DENND4C: variants seen among roughly 807,000 people sequenced by gnomAD.
The protein encoded by DENND4C is DENN domain-containing protein 4C.
In DENND4C, 108 loss-of-function variants were observed where a neutral mutation model predicts 203.0. The ratio of observed to expected loss-of-function variants is 0.53; its 90% confidence interval spans 0.46 to 0.62. The LOEUF is 0.62. Among genes scored for constraint, DENND4C ranks in the 20% least tolerant of loss-of-function variants. The pLI is 0.00. For missense variants in DENND4C, 2,481 were observed against 2,301.2 expected (o/e 1.08, Z -1.60); for synonymous variants, 871 against 792.4 (o/e 1.10, Z -1.67).
At chr9:19,235,609 C>CTTTTTTTTTTTTTTTTT (rs58031665) in intron 1 of DENND4C, among the ~76,000 whole-genome samples, 6 of 118,938 alleles carry the variant, frequency 5.0e-5, no homozygotes, top group Non-Finnish European at 6.8e-5. Flanking sequence ...GAAGAGTCAT[C>CTTTTTTTTTTTTTTTTT]TTTTTTTTTT....
intron 1 of DENND4C, among the ~76,000 whole-genome samples, chr9:19,268,909 G>A (rs1831062019): frequency 6.6e-6 from 1 of 152,048 alleles, no homozygotes; most frequent in Non-Finnish European, 1.5e-5. Context: ...ATGTCTGGAG[G>A]TAGTTTTGAG....
In DENND4C at chr9:19,300,180, T is replaced by C. The variant is rs79920565; in HGVS notation, c.1167-7T>C. On this transcript the variant is annotated splice_region_variant and splice_polypyrimidine_tract_variant and intron_variant, in intron 8 of 32. Transcript: ENST00000434457. ...CAATGATCTACTTTTCTCTTTTTTT[T>C]CCCTAGTGGAGCCAACTTTAGCACC... The C allele has an allele frequency of 4.9e-5, 77 of 1,584,904 alleles. No individual in the cohort carries two copies. The highest frequency in any genetic ancestry group is 1.5e-4 in the African/African-American group (11 of 74,362).
intron 31 of DENND4C, among the ~76,000 whole-genome samples, chr9:19,370,366 A>T (rs1305791759): frequency 6.6e-6 from 1 of 151,822 alleles, no homozygotes; most frequent in East Asian, 1.9e-4. Flanking sequence ...AGACAGGAGG[A>T]TTTCTTGAGC....
chr9:19,288,504 G>T, intron 3 of DENND4C, 92 bp from the exon 4 acceptor site: 1 of 726,666 alleles, frequency 1.4e-6, no homozygotes, highest in South Asian at 7.1e-5. Flanking sequence ...AGACTCTTCT[G>T]AGTAAATAAA....
chr9:19,263,935 C>T (rs1286420856), intron 1 of DENND4C, among the ~76,000 whole-genome samples: 2 of 152,130 alleles, frequency 1.3e-5, no homozygotes, highest in Admixed American at 6.6e-5. Context: ...GCTGGAATTA[C>T]AGGTGTGAGC....
chr9:19,315,634 T>G (rs1014812649), intron 10 of DENND4C, among the ~76,000 whole-genome samples: 1 of 151,340 alleles, frequency 6.6e-6, no homozygotes, highest in African/African-American at 2.4e-5. Context: ...TTTTATATTT[T>G]CGGAATATAA....
intron 1 of DENND4C, among the ~76,000 whole-genome samples, chr9:19,255,112 C>T (rs1046742464): frequency 6.6e-6 from 1 of 152,212 alleles, no homozygotes; most frequent in East Asian, 1.9e-4. Context: ...TGCCGTTGCA[C>T]TCCAGCCTGG....
At chr9:19,341,752 C>A (rs890431584) in intron 21 of DENND4C, among the ~76,000 whole-genome samples, 4 of 152,124 alleles carry the variant, frequency 2.6e-5, no homozygotes, top group African/African-American at 9.7e-5. Context: ...TATTTTAGTG[C>A]CCTTTTTAAT....
chr9:19,315,442 G>A (rs1265166617), intron 10 of DENND4C, among the ~76,000 whole-genome samples: 1 of 150,422 alleles, frequency 6.6e-6, no homozygotes, highest in Non-Finnish European at 1.5e-5. Context: ...GTAAGAAGAG[G>A]GCTTTTTAGG....
chr9:19,291,011 C>T (rs1836182635), intron 5 of DENND4C, 135 bp downstream of exon 5: 1 of 839,044 alleles, frequency 1.2e-6, no homozygotes, highest in Non-Finnish European at 1.8e-6. Flanking sequence ...CTGTCATCCC[C>T]AAGGTGAGAA....
chr9:19,239,608 T>C (rs924336840), intron 1 of DENND4C, among the ~76,000 whole-genome samples: 2 of 152,076 alleles, frequency 1.3e-5, no homozygotes, highest in African/African-American at 4.8e-5. Flanking sequence ...TGTCTCAGCC[T>C]CCCGAGTAGC....
At chr9:19,258,627 T>G (rs1828574499) in intron 1 of DENND4C, among the ~76,000 whole-genome samples, 1 of 152,128 alleles carries the variant, frequency 6.6e-6, no homozygotes, top group Admixed American at 6.6e-5. Context: ...GCTTGATAAA[T>G]TCTAATATCC....
At chr9:19,274,101 C>G (rs1309537299) in intron 1 of DENND4C, among the ~76,000 whole-genome samples, 1 of 151,866 alleles carries the variant, frequency 6.6e-6, no homozygotes, top group Non-Finnish European at 1.5e-5. Flanking sequence ...TTGATACAAG[C>G]AACAACATGG....
intron 1 of DENND4C, among the ~76,000 whole-genome samples, chr9:19,245,574 G>A (rs1265926251): frequency 6.6e-6 from 1 of 150,674 alleles, no homozygotes; most frequent in Non-Finnish European, 1.5e-5. Flanking sequence ...TGTAAGCATT[G>A]GGCCGGGCGC....
At position 19,372,476 on chromosome 9, in the gene DENND4C, C is replaced by CA. The variant is rs1829007084; in HGVS notation, c.*304dup. ...TAGTTTGATAGAAATAATGAGGAAC[C>CA]ATATTCATTCTAGGCATTGTTTATA... On this transcript the variant is annotated 3_prime_UTR_variant, in exon 33 of 33. Coordinates refer to ENST00000434457, the MANE Select transcript of DENND4C (RefSeq NM_001330640.2). The CA allele has an allele frequency of 4.2e-6, 1 of 238,264 alleles. No homozygotes were observed. The highest frequency in any genetic ancestry group is 2.2e-5 in the African/African-American group (1 of 44,514). 14.8% of individuals were successfully genotyped at this position (238,264 alleles called of 1,614,324 possible).
At chr9:19,334,052 A>G (rs922914416) in intron 17 of DENND4C, among the ~76,000 whole-genome samples, 1 of 151,814 alleles carries the variant, frequency 6.6e-6, no homozygotes, top group Non-Finnish European at 1.5e-5. Flanking sequence ...TTATTTATTT[A>G]TTTTTTATTT....
At chr9:19,295,626 C>T (rs1461941454) in intron 5 of DENND4C, among the ~76,000 whole-genome samples, 34 of 148,144 alleles carry the variant, frequency 2.3e-4, no homozygotes, top group Admixed American at 2.0e-3. Context: ...GCTGAGATTG[C>T]GCTACTGCAC....
intron 15 of DENND4C, 78 bp from the exon 16 acceptor site, chr9:19,327,952 A>G: frequency 7.4e-7 from 1 of 1,348,018 alleles, no homozygotes; most frequent in Non-Finnish European, 1.0e-6. Flanking sequence ...AAGTTTAGAA[A>G]TATTTGCCTA....
intron 2 of DENND4C, among the ~76,000 whole-genome samples, chr9:19,278,156 GAC>G (rs1348200904): frequency 6.7e-6 from 1 of 148,512 alleles, no homozygotes; most frequent in African/African-American, 2.5e-5. Context: ...TTGTTTTTGA[GAC>G]AGAGTCTGGC....
Sources: gnomAD v4.1 joint callset for allele counts (sites outside exome capture counted in the v4.1 genomes callset) on GRCh38, gnomAD v4.1.1 for gene constraint, MANE v1.5 for transcripts, NCBI Gene and HGNC (gene_info 2026-07-23, HGNC 2026-07-21) for gene names.